The following CPM variants were observed in gnomAD, a reference collection of about 807,000 sequenced individuals.
CPM encodes the protein renal carboxypeptidase.
CPM carries 35 observed loss-of-function variants against 46.4 expected under a neutral mutation model. The ratio of observed to expected loss-of-function variants is 0.75; its 90% CI spans 0.58 to 1.00. The LOEUF is 1.00. CPM is among the 50% of genes least tolerant of loss of function. CPM has a pLI of 0.00. For synonymous variants in CPM, 195 were observed against 195.3 expected, an observed-to-expected ratio of 1.00 and a Z score of 0.01; for missense variants, 422 against 530.4, an observed-to-expected ratio of 0.80 and a Z score of 2.01.
chr12:68,928,682 T>A (rs963659406), intron 2 of CPM, among the ~76,000 whole-genome samples: 2 of 151,982 alleles, frequency 1.3e-5, no homozygotes, highest in Non-Finnish European at 2.9e-5. Context: ...GGTGTTATTA[T>A]CCCGCCTACT....
At chr12:68,862,122 T>C (rs180671276) in intron 7 of CPM, among the ~76,000 whole-genome samples, 1 of 138,716 alleles carries the variant, frequency 7.2e-6, no homozygotes, top group East Asian at 1.9e-4. Context: ...CAACCTGCGG[T>C]CTGCCTACCC....
At position 68,871,887 on chromosome 12, in the gene CPM, T is replaced by C. The variant is rs1885714868; in HGVS notation, c.328A>G (p.Ile110Val). 3 of 1,614,158 alleles carry C rather than the reference T, an allele frequency of 1.9e-6. No homozygotes were observed. The highest frequency in any genetic ancestry group is 8.5e-7 in the Non-Finnish European group (1 of 1,180,018). Reference sequence around the variant, plus strand: ...CGGGTACTATTGATCAGATTTGTGATTTCAGGGTCTTTGCCATCACTGGTT... The same window carrying C: ...CGGGTACTATTGATCAGATTTGTGACTTCAGGGTCTTTGCCATCACTGGTT... ...LVTSDGKDPE[I>V]TNLINSTRIH... Residue 110 changes from isoleucine to valine, a missense_variant, in exon 4 of 9, where the codon ATC becomes GTC. Transcript: ENST00000551568.
chr12:68,918,937 T>C (rs1159053599), intron 2 of CPM, among the ~76,000 whole-genome samples: 2 of 152,248 alleles, frequency 1.3e-5, no homozygotes, highest in Non-Finnish European at 2.9e-5. Context: ...CTCTCCACTT[T>C]AGAATTGGCT....
chr12:68,879,742 C>A (rs2136243203), intron 3 of CPM, among the ~76,000 whole-genome samples: 1 of 152,178 alleles, frequency 6.6e-6, no homozygotes, highest in Middle Eastern at 3.4e-3. Context: ...GATGTCTTAC[C>A]AACCTAGAGA....
chr12:68,881,063 G>A (rs1565778176), intron 3 of CPM, among the ~76,000 whole-genome samples: 1 of 152,194 alleles, frequency 6.6e-6, no homozygotes, highest in Non-Finnish European at 1.5e-5. Flanking sequence ...GGCTGAAAAT[G>A]GGCCATTTTA....
At chr12:68,954,683 C>T (rs1437747912) in intron 1 of CPM, among the ~76,000 whole-genome samples, 1 of 152,148 alleles carries the variant, frequency 6.6e-6, no homozygotes, top group Non-Finnish European at 1.5e-5. Flanking sequence ...TCAATGCTCA[C>T]TTGACATTTC....
At chr12:68,925,357 C>T (rs1888216034) in intron 2 of CPM, among the ~76,000 whole-genome samples, 1 of 152,218 alleles carries the variant, frequency 6.6e-6, no homozygotes, top group Non-Finnish European at 1.5e-5. Flanking sequence ...TCTAAAGACC[C>T]ATGGTCACGT....
chr12:68,924,958 T>A (rs1017923478), intron 2 of CPM, among the ~76,000 whole-genome samples: 1 of 152,212 alleles, frequency 6.6e-6, no homozygotes, highest in African/African-American at 2.4e-5. Flanking sequence ...TCTGAACATC[T>A]GAAATGGTAT....
chr12:68,885,656 T>C, intron 3 of CPM, 136 bp downstream of exon 3: 1 of 691,252 alleles, frequency 1.4e-6, no homozygotes, highest in Non-Finnish European at 2.4e-6. Flanking sequence ...CAGGAAGACC[T>C]CTCTGGGCCT....
At chr12:68,909,397 T>A (rs1887485864) in intron 2 of CPM, among the ~76,000 whole-genome samples, 1 of 151,852 alleles carries the variant, frequency 6.6e-6, no homozygotes, top group South Asian at 2.1e-4. Context: ...CCCATTAGAA[T>A]GGAAAAAAAT....
intron 2 of CPM, chr12:68,911,889 G>A (rs1023445140): frequency 6.6e-6 from 1 of 152,140 alleles, no homozygotes; most frequent in Non-Finnish European, 1.5e-5. Context: ...TTCGGGCTCT[G>A]TGTTCTCAAC....
chr12:68,920,700 T>C (rs1289627019), intron 2 of CPM, among the ~76,000 whole-genome samples: 2 of 136,792 alleles, frequency 1.5e-5, no homozygotes, highest in South Asian at 2.2e-4. Flanking sequence ...TTTCTTTTTC[T>C]TTTTTTTTTT....
intron 2 of CPM, among the ~76,000 whole-genome samples, chr12:68,927,075 A>G (rs1888298461): frequency 6.6e-6 from 1 of 152,020 alleles, no homozygotes. Flanking sequence ...TTGGGTATAT[A>G]CCCAGTAATG....
chr12:68,851,416 C>T lies in CPM; in HGVS notation c.*5021G>A, dbSNP rs1884671009. The T allele has an allele frequency of 6.6e-6, 1 of 152,418 alleles. No homozygotes were observed. Among genetic ancestry groups the T allele is most frequent in the South Asian group, 2.1e-4 (1 of 4,816 alleles). The allele number at this position is 152,418 out of a possible 1,614,324, so 9.4% of individuals were successfully genotyped here. A position where few individuals can be genotyped will look rare whatever the true frequency, so the allele number is the denominator to read the frequency against. On this transcript the variant is annotated 3_prime_UTR_variant, in exon 9 of 9. Coordinates refer to ENST00000551568, the MANE Select transcript of CPM (RefSeq NM_198320.5). Reference sequence around the variant, plus strand: ...CATGAGGTCAGGAGATCGAGACCATCCTGGCTAACACGGTGAAACCCCGTC... The same window carrying T: ...CATGAGGTCAGGAGATCGAGACCATTCTGGCTAACACGGTGAAACCCCGTC...
At chr12:68,950,229 G>C (rs115982288) in intron 1 of CPM, among the ~76,000 whole-genome samples, 4 of 152,128 alleles carry the variant, frequency 2.6e-5, no homozygotes, top group Admixed American at 2.6e-4. Flanking sequence ...ATATAAAGTA[G>C]CATTGATGCT....
chr12:68,958,930 T>A (rs1347350502), intron 1 of CPM, among the ~76,000 whole-genome samples: 2 of 152,122 alleles, frequency 1.3e-5, no homozygotes, highest in Non-Finnish European at 1.5e-5. Context: ...GCCAGACACA[T>A]TCTTCTCCTA....
intron 6 of CPM, among the ~76,000 whole-genome samples, 173 bp downstream of exon 6, chr12:68,869,152 C>A (rs947593485): frequency 6.6e-6 from 1 of 152,166 alleles, no homozygotes; most frequent in Admixed American, 6.5e-5. Context: ...CATGTCTGAG[C>A]ATCTCTCAAA....
chr12:68,883,636 A>T (rs1168615445), intron 3 of CPM, among the ~76,000 whole-genome samples: 4 of 152,186 alleles, frequency 2.6e-5, no homozygotes, highest in Non-Finnish European at 5.9e-5. Flanking sequence ...AGGAAAGTGC[A>T]TGGAAAGAAT....
At position 68,859,063 on chromosome 12, in the gene CPM, C is replaced by T. The variant is rs772879813; in HGVS notation, c.949G>A (p.Gly317Ser). ...TTTCCATTCTGATCAAAAACTTGAC[C>T]CTTTACACCTGCAAGACAAAAATAA... ...YIKQVHLGVK[G>S]QVFDQNGNPL... Residue 317 changes from glycine to serine, a missense_variant, in exon 8 of 9, where the codon GGT becomes AGT. By Grantham distance (56) the Gly-to-Ser change is moderately conservative. Coordinates refer to ENST00000551568, the MANE Select transcript of CPM (RefSeq NM_198320.5). 11 of 1,488,988 alleles carry T rather than the reference C, an allele frequency of 7.4e-6. No individual in the cohort carries two copies. In the African/African-American group the frequency reaches 1.4e-4, roughly 19 times the overall value. 92.2% of individuals were successfully genotyped at this position (1,488,988 alleles called of 1,614,324 possible). A position where few individuals can be genotyped will look rare whatever the true frequency, so the allele number is the denominator to read the frequency against.
Sources: gnomAD v4.1 joint callset for allele counts (sites outside exome capture counted in the v4.1 genomes callset) on GRCh38, gnomAD v4.1.1 for gene constraint, MANE v1.5 for transcripts, NCBI Gene and HGNC (gene_info 2026-07-23, HGNC 2026-07-21) for gene names.